OCA2: variants seen among roughly 807,000 people sequenced by gnomAD.
OCA2 encodes the protein P protein.
A neutral mutation model predicts 100.2 loss-of-function variants in OCA2; 77 were observed. That is an observed-to-expected ratio of 0.77 (90% CI 0.64 to 0.93). OCA2 has a LOEUF of 0.93. Ranked by LOEUF, OCA2 falls within the 40% of genes least tolerant of loss-of-function variation. The pLI, the probability that OCA2 is intolerant of heterozygous loss-of-function variation, is 0.00. For missense variants in OCA2, 1,062 were observed against 1,089.1 expected, an observed-to-expected ratio of 0.98 and a Z score of 0.35; for synonymous variants, 432 against 439.2, an observed-to-expected ratio of 0.98 and a Z score of 0.21.
At chr15:28,056,743 G>A (rs976693421) in intron 2 of OCA2, among the ~76,000 whole-genome samples, 6 of 152,228 alleles carry the variant, frequency 3.9e-5, no homozygotes, top group East Asian at 1.9e-4. Flanking sequence ...GGCTCATCAC[G>A]CGCTCCTATC....
chr15:27,844,986 T>TA lies in OCA2; in HGVS notation c.2404dup (p.Tyr802LeufsTer48). ...GAAAAATTCCATGAAGGAGAACCCA[T>TA]ATCCATGCTGTTCTGCAATCCCTGC... On this transcript the variant is annotated frameshift_variant, in exon 23 of 24. Transcript: ENST00000354638. LOFTEE classifies it high-confidence loss of function. 1.9e-6 allele frequency: 3 copies of TA among 1,613,408 alleles called. No homozygotes were observed. Among genetic ancestry groups the TA allele is most frequent in the Non-Finnish European group, 2.5e-6 (3 of 1,179,372 alleles).
chr15:27,900,787 C>T (rs2037897946), intron 19 of OCA2, among the ~76,000 whole-genome samples: 1 of 152,216 alleles, frequency 6.6e-6, no homozygotes, highest in Non-Finnish European at 1.5e-5. Context: ...ACAGGTGTGC[C>T]TCCTTACATT....
the OCA2 span, among the ~76,000 whole-genome samples, chr15:27,741,325 C>G: frequency 6.6e-6 from 1 of 152,178 alleles, no homozygotes; most frequent in Non-Finnish European, 1.5e-5. Flanking sequence ...GGGGGAAGGA[C>G]TGCTGCATGG....
At chr15:27,831,466 G>A (rs111497511) in intron 23 of OCA2, among the ~76,000 whole-genome samples, 8 of 152,238 alleles carry the variant, frequency 5.3e-5, no homozygotes, top group African/African-American at 9.6e-5. Flanking sequence ...CGGACCTGCC[G>A]CGCACGTAAC....
intron 2 of OCA2, among the ~76,000 whole-genome samples, chr15:28,042,645 AAATAAATAAAT>A (rs1052713078): frequency 1.3e-4 from 10 of 76,478 alleles, no homozygotes; most frequent in Admixed American, 1.2e-3. Context: ...GTCTCAAAGT[AAATAAATAAAT>A]AATAAATAAA....
chr15:28,034,982 A>G (rs2043007599), intron 2 of OCA2, among the ~76,000 whole-genome samples: 2 of 152,268 alleles, frequency 1.3e-5, no homozygotes, highest in Admixed American at 1.3e-4. Context: ...GAGAGTGCCC[A>G]GGAGAGTGGA....
chr15:27,960,640 C>T (rs1000479533), intron 15 of OCA2, among the ~76,000 whole-genome samples: 1 of 152,216 alleles, frequency 6.6e-6, no homozygotes, highest in East Asian at 1.9e-4. Flanking sequence ...ATCTATCTCC[C>T]GCCTGTAATC....
rs62001375 is a variant in OCA2 at position 27,903,228 on chromosome 15, G to A, written c.2079+22899C>T. 1.4e-3 allele frequency among the ~76,000 whole-genome samples: 220 copies of A among 152,298 alleles called. 1 individual carries two copies. Among genetic ancestry groups the A allele is most frequent in the Admixed American group, 3.6e-3 (55 of 15,300 alleles). On this transcript the variant is annotated intron_variant, in intron 19 of 23. Coordinates refer to ENST00000354638, the MANE Select transcript of OCA2 (RefSeq NM_000275.3). Reference sequence around the variant, plus strand: ...CAAAGCAGGCTTTCGCGTAAGTCCCGACGGTCTGTCCTCACCCAGCTGTGT... The same window carrying A: ...CAAAGCAGGCTTTCGCGTAAGTCCCAACGGTCTGTCCTCACCCAGCTGTGT...
downstream of OCA2, among the ~76,000 whole-genome samples, chr15:27,750,956 C>A (rs2030045168): frequency 6.6e-6 from 1 of 152,144 alleles, no homozygotes. Flanking sequence ...TGTTCCTAGC[C>A]TCACAGGTCA....
intron 23 of OCA2, among the ~76,000 whole-genome samples, chr15:27,777,669 T>C (rs2032313203): frequency 6.6e-6 from 1 of 152,192 alleles, no homozygotes; most frequent in Non-Finnish European, 1.5e-5. Flanking sequence ...CAGGGGCTTA[T>C]CAGAGTGGCA....
At chr15:27,848,070 T>TTGGTTTGG (rs1282901111) in intron 22 of OCA2, among the ~76,000 whole-genome samples, 1 of 152,196 alleles carries the variant, frequency 6.6e-6, no homozygotes, top group African/African-American at 2.4e-5. Flanking sequence ...CCCCTATGTT[T>TTGGTTTGG]TCTGAGGTTT....
chr15:27,840,002 T>A (rs1200496317), intron 23 of OCA2, among the ~76,000 whole-genome samples: 2 of 152,056 alleles, frequency 1.3e-5, no homozygotes, highest in Non-Finnish European at 1.5e-5. Context: ...AAAGCCACAC[T>A]GAAAATACAG....
At chr15:27,993,759 GA>G (rs915612075) in intron 9 of OCA2, among the ~76,000 whole-genome samples, 99 of 152,246 alleles carry the variant, frequency 6.5e-4, no homozygotes, top group African/African-American at 2.3e-3. Context: ...AGGACATGTG[GA>G]TGCAGCTATC....
At chr15:27,786,304 T>C (rs2151107872) in intron 23 of OCA2, among the ~76,000 whole-genome samples, 1 of 152,290 alleles carries the variant, frequency 6.6e-6, no homozygotes, top group Admixed American at 6.5e-5. Flanking sequence ...GTGTTGTTAA[T>C]TTCTGAGGGG....
intron 14 of OCA2, among the ~76,000 whole-genome samples, chr15:27,980,267 AC>A (rs1388515143): frequency 6.6e-6 from 1 of 151,992 alleles, no homozygotes; most frequent in Non-Finnish European, 1.5e-5. Context: ...AGCTGGGACT[AC>A]AGGCACCCAA....
intron 19 of OCA2, among the ~76,000 whole-genome samples, chr15:27,904,659 A>G (rs1324451639): frequency 6.6e-6 from 1 of 151,986 alleles, no homozygotes; most frequent in Non-Finnish European, 1.5e-5. Context: ...ATCCTCCCCA[A>G]CTCCTGGGGA....
At chr15:27,960,754 A>C (rs1477444516) in intron 15 of OCA2, among the ~76,000 whole-genome samples, 1 of 152,168 alleles carries the variant, frequency 6.6e-6, no homozygotes, top group African/African-American at 2.4e-5. Flanking sequence ...AATACAAAAA[A>C]TTAGCTGGGC....
the OCA2 span, among the ~76,000 whole-genome samples, chr15:27,722,773 T>C: frequency 1.4e-5 from 1 of 71,440 alleles, no homozygotes; most frequent in Non-Finnish European, 2.6e-5. Context: ...TTCTTTCTTT[T>C]CTTTCTTTCT....
intron 23 of OCA2, among the ~76,000 whole-genome samples, chr15:27,832,114 C>T (rs960945566): frequency 6.6e-6 from 1 of 152,210 alleles, no homozygotes; most frequent in South Asian, 2.1e-4. Flanking sequence ...GGAACATACT[C>T]AAGACCAAAC....
Sources: gnomAD v4.1 joint callset for allele counts (sites outside exome capture counted in the v4.1 genomes callset) on GRCh38, gnomAD v4.1.1 for gene constraint, MANE v1.5 for transcripts, NCBI Gene and HGNC (gene_info 2026-07-23, HGNC 2026-07-21) for gene names.